KDSR: variants seen among roughly 807,000 people sequenced by gnomAD.
KDSR encodes the protein 3-ketodihydrosphingosine reductase, also known as 3-dehydrosphinganine reductase.
A neutral mutation model predicts 41.3 loss-of-function variants in KDSR; 23 were observed. The ratio of observed to expected loss-of-function variants is 0.56; its 90% CI spans 0.40 to 0.79. KDSR has a LOEUF of 0.79. KDSR is among the 30% of genes least tolerant of loss of function. The pLI is 0.00. For synonymous variants in KDSR, 138 were observed against 151.7 expected (o/e 0.91, Z 0.66); for missense variants, 351 against 416.8 (o/e 0.84, Z 1.37).
intron 2 of KDSR, among the ~76,000 whole-genome samples, chr18:63,360,848 C>T (rs1351623458): frequency 6.7e-6 from 1 of 149,414 alleles, no homozygotes; most frequent in African/African-American, 2.5e-5. Flanking sequence ...TGTGTCACTG[C>T]ACTCCAGCCT....
intron 3 of KDSR, among the ~76,000 whole-genome samples, chr18:63,357,142 C>T (rs1914818439): frequency 6.6e-6 from 1 of 152,128 alleles, no homozygotes; most frequent in African/African-American, 2.4e-5. Flanking sequence ...CAGTGAAATA[C>T]TATTCAAAAC....
intron 3 of KDSR, among the ~76,000 whole-genome samples, chr18:63,358,084 G>C (rs138170564): frequency 0.014 from 2,160 of 152,266 alleles, 40 homozygotes; most frequent in African/African-American, 0.049. Flanking sequence ...GCTGAGGCTT[G>C]AACCCAGGAG....
chr18:63,332,000 G>C, intron 9 of KDSR, 99 bp from the exon 10 acceptor site: 1 of 1,253,656 alleles, frequency 8.0e-7, no homozygotes. Flanking sequence ...AAATCTTCTA[G>C]TCTGCTCTAA....
intron 1 of KDSR, among the ~76,000 whole-genome samples, chr18:63,364,527 T>A (rs1209533978): frequency 2.0e-5 from 3 of 151,958 alleles, no homozygotes; most frequent in Non-Finnish European, 4.4e-5. Context: ...CACTGCAACC[T>A]CCGCCTCCCA....
chr18:63,362,948 G>C, intron 1 of KDSR, 80 bp from the exon 2 acceptor site: 2 of 888,512 alleles, frequency 2.3e-6, no homozygotes, highest in Non-Finnish European at 3.7e-6. Flanking sequence ...AACTATGACA[G>C]GCTCTTAAAA....
Position 63,330,797 on chromosome 18 carries a change from GTCTT to G in KDSR, c.*981_*984del, listed in dbSNP as rs900807227. ...AAAGTCAAGTCGAAAATTTTAGCTGGTCTTTTTTTTCCTTTTTTTTTTTTTTTAC... is the reference window on the plus strand; with the variant it reads ...AAAGTCAAGTCGAAAATTTTAGCTGGTTTTTTCCTTTTTTTTTTTTTTTAC... On this transcript the variant is annotated 3_prime_UTR_variant, in exon 10 of 10. Coordinates refer to ENST00000645214, the MANE Select transcript of KDSR (RefSeq NM_002035.4). The G allele has an allele frequency of 2.2e-5, 5 of 225,616 alleles. No homozygotes were observed. The highest frequency in any genetic ancestry group is 1.1e-4 in the African/African-American group (5 of 44,298). The allele number at this position is 225,616 out of a possible 1,614,324, so 14.0% of individuals were successfully genotyped here. A position where few individuals can be genotyped will look rare whatever the true frequency, so the allele number is the denominator to read the frequency against.
At chr18:63,339,830 G>A (rs1279950612) in intron 7 of KDSR, among the ~76,000 whole-genome samples, 1 of 152,164 alleles carries the variant, frequency 6.6e-6, no homozygotes, top group Non-Finnish European at 1.5e-5. Context: ...AAGTAGAAGT[G>A]TCAAACAAAA....
chr18:63,352,843 T>C (rs1310639491), intron 5 of KDSR, among the ~76,000 whole-genome samples: 1 of 151,832 alleles, frequency 6.6e-6, no homozygotes, highest in East Asian at 1.9e-4. Flanking sequence ...CAAAAGTGTG[T>C]TTTCGTAACA....
At position 63,329,443 on chromosome 18, in the gene KDSR, C is replaced by T. The variant is rs141601714; in HGVS notation, c.*2339G>A. 18 of 206,894 alleles carry T rather than the reference C, an allele frequency of 8.7e-5. No individual in the cohort carries two copies. The highest frequency in any genetic ancestry group is 3.9e-4 in the African/African-American group (17 of 44,000). The allele number at this position is 206,894 out of a possible 1,614,324, so 12.8% of individuals were successfully genotyped here. A position where few individuals can be genotyped will look rare whatever the true frequency, so the allele number is the denominator to read the frequency against. On this transcript the variant is annotated 3_prime_UTR_variant, in exon 10 of 10. Transcript: ENST00000645214. ...TCAGATTTTGCTGCCAAATGAATTACGGTATCAAATTTAGAAAAACACAAA... is the reference window on the plus strand; with the variant it reads ...TCAGATTTTGCTGCCAAATGAATTATGGTATCAAATTTAGAAAAACACAAA...
Position 63,350,928 on chromosome 18 carries a change from T to C in KDSR, c.569A>G (p.Lys190Arg). The C allele has an allele frequency of 6.2e-7, 1 of 1,613,954 alleles. No individual in the cohort carries two copies. The highest frequency in any genetic ancestry group is 8.5e-7 in the Non-Finnish European group (1 of 1,179,948). Residue 190 changes from lysine to arginine, a missense_variant, in exon 6 of 10, where the codon AAG becomes AGG. Lys to Arg is a conservative substitution (Grantham distance 26, BLOSUM62 2). Coordinates refer to ENST00000645214, the MANE Select transcript of KDSR (RefSeq NM_002035.4). Reference protein sequence around the residue: ...LFGFTAYSASKFAIRGLAEAL... With the variant: ...LFGFTAYSASRFAIRGLAEAL... ...TTCTGCCAATCCCCTTATGGCAAAC[T>C]TGGATGCAGAGTAGGCTGTGAAACC...
chr18:63,349,625 C>T (rs1914607847), intron 6 of KDSR, among the ~76,000 whole-genome samples: 1 of 152,250 alleles, frequency 6.6e-6, no homozygotes, highest in Admixed American at 6.5e-5. Context: ...CTACGCGGCA[C>T]ATCAGGACTG....
intron 8 of KDSR, 45 bp downstream of exon 8, chr18:63,338,755 A>C (rs969434194): frequency 5.1e-6 from 6 of 1,176,650 alleles, no homozygotes; most frequent in Non-Finnish European, 7.5e-6. Flanking sequence ...TCAGAAATAT[A>C]GTACTACAAA....
In KDSR at chr18:63,348,641, G is replaced by A. The variant is rs557680572; in HGVS notation, c.609+2247C>T. On this transcript the variant is annotated intron_variant, in intron 6 of 9. Transcript: ENST00000645214. The stretch of plus-strand genomic sequence containing the variant: ...TGAGCGTGCAGGCCGGCTACTCGCA[G>A]TATGCAAATCACACTTGTCACAGAG... 1.2e-4 allele frequency among the ~76,000 whole-genome samples: 18 copies of A among 152,254 alleles called. No homozygotes were observed. In the South Asian group the frequency reaches 1.4e-3, roughly 12 times the overall value.
At chr18:63,337,258 G>A (rs1022701877) in intron 8 of KDSR, among the ~76,000 whole-genome samples, 1 of 151,804 alleles carries the variant, frequency 6.6e-6, no homozygotes, top group Admixed American at 6.6e-5. Context: ...TGGGATTACA[G>A]GCGCATGTCA....
In KDSR at chr18:63,351,096, G is replaced by C; in HGVS notation, c.418-17C>G. The C allele has an allele frequency of 6.3e-7, 1 of 1,591,734 alleles. No homozygotes were observed. Among genetic ancestry groups the C allele is most frequent in the Non-Finnish European group, 8.6e-7 (1 of 1,168,316 alleles). On this transcript the variant is annotated splice_polypyrimidine_tract_variant and intron_variant, in intron 5 of 9. Coordinates refer to ENST00000645214, the MANE Select transcript of KDSR (RefSeq NM_002035.4). ...CATTAACCTCTGCAGGGAACAAAGA[G>C]GCCACATGAGGTCAAAAGCCTCAAG...
chr18:63,337,113 A>ATATATATATATATATATATATAT, intron 8 of KDSR, among the ~76,000 whole-genome samples: 1 of 127,774 alleles, frequency 7.8e-6, no homozygotes, highest in Non-Finnish European at 1.6e-5. Context: ...TATATATGTG[A>ATATATATATATATATATATATAT]ATATATATAT....
At chr18:63,359,155 G>A (rs1218498108) in intron 3 of KDSR, among the ~76,000 whole-genome samples, 1 of 124,296 alleles carries the variant, frequency 8.0e-6, no homozygotes, top group Non-Finnish European at 1.6e-5. Flanking sequence ...CTCCAGCCTG[G>A]ATGACAGATT....
intron 8 of KDSR, 49 bp from the exon 9 acceptor site, chr18:63,335,407 C>G: frequency 7.8e-7 from 1 of 1,283,206 alleles, no homozygotes; most frequent in Non-Finnish European, 1.1e-6. Flanking sequence ...GTAATGTGGA[C>G]AGAAATCAGT....
rs1913953799 is a variant in KDSR, at chr18:63,330,756, T to C, written c.*1026A>G. ...AATTTTTTCATTTGCTTTAATTAAT[T>C]CATGAGTTAAGTTAAAAAGTCAAGT... is the stretch of plus-strand genomic sequence containing the variant. On this transcript the variant is annotated 3_prime_UTR_variant, in exon 10 of 10. Transcript: ENST00000645214. 1 of 230,398 alleles carries C rather than the reference T, an allele frequency of 4.3e-6. No homozygotes were observed. Among genetic ancestry groups the C allele is most frequent in the Non-Finnish European group, 8.6e-6 (1 of 116,502 alleles). 14.3% of individuals were successfully genotyped at this position (230,398 alleles called of 1,614,324 possible). A position where few individuals can be genotyped will look rare whatever the true frequency, so the allele number is the denominator to read the frequency against.
Sources: allele counts gnomAD v4.1 joint callset (sites outside exome capture counted in the v4.1 genomes callset), GRCh38; gene constraint gnomAD v4.1.1; transcripts MANE v1.5; gene names NCBI Gene and HGNC (gene_info 2026-07-23, HGNC 2026-07-21).